CSRNP3: variants seen among roughly 807,000 people sequenced by gnomAD.
The protein encoded by CSRNP3 is cysteine and serine rich nuclear protein 3, also known as cysteine/serine-rich nuclear protein 3.
CSRNP3 carries 12 observed loss-of-function variants against 48.0 expected under a neutral mutation model. The ratio of observed to expected loss-of-function variants is 0.25; its 90% confidence interval spans 0.16 to 0.41. CSRNP3 has a LOEUF of 0.41. Among genes scored for constraint, CSRNP3 ranks in the 10% least tolerant of loss-of-function variants. CSRNP3 has a pLI of 1.00. For synonymous variants in CSRNP3, 263 were observed against 269.7 expected (o/e 0.98, Z 0.24); for missense variants, 580 against 724.4 (o/e 0.80, Z 2.29).
chr2:165,581,550 T>G (rs569961217), intron 3 of CSRNP3, among the ~76,000 whole-genome samples: 6 of 128,706 alleles, frequency 4.7e-5, no homozygotes, highest in Admixed American at 3.2e-4. Context: ...CCCCCACCTT[T>G]TTTTGAGACA....
chr2:165,527,963 A>G (rs1335247813), intron 3 of CSRNP3, among the ~76,000 whole-genome samples: 1 of 151,980 alleles, frequency 6.6e-6, no homozygotes, highest in Admixed American at 6.6e-5. Flanking sequence ...AAGAAAGAGA[A>G]AAAAGAGAGA....
At chr2:165,500,108 C>G (rs996798343) in intron 2 of CSRNP3, among the ~76,000 whole-genome samples, 3 of 149,256 alleles carry the variant, frequency 2.0e-5, no homozygotes, top group Non-Finnish European at 4.4e-5. Context: ...TTTTCAAAAG[C>G]AACATGCAAG....
At chr2:165,476,223 C>T (rs1285770387) in intron 1 of CSRNP3, among the ~76,000 whole-genome samples, 1 of 152,142 alleles carries the variant, frequency 6.6e-6, no homozygotes, top group Non-Finnish European at 1.5e-5. Flanking sequence ...CATTTGTGGT[C>T]TGTTCTGGTG....
intron 5 of CSRNP3, among the ~76,000 whole-genome samples, chr2:165,666,238 AAGAG>A (rs1340299521): frequency 1.6e-5 from 2 of 128,160 alleles, no homozygotes; most frequent in Admixed American, 7.5e-5. Context: ...GAAGGGAGGA[AAGAG>A]AGAGAGGAAG....
intron 4 of CSRNP3, among the ~76,000 whole-genome samples, chr2:165,598,649 T>C (rs13402717): frequency 0.29 from 44,040 of 152,070 alleles, 6,690 homozygotes; most frequent in Admixed American, 0.4. Flanking sequence ...TTGAAGAAAG[T>C]AGACTTATTT....
In CSRNP3 at chr2:165,627,390, T is replaced by G. The variant is rs189077436; in HGVS notation, c.149-30371T>G. 1.7e-3 allele frequency among the ~76,000 whole-genome samples: 264 copies of G among 152,312 alleles called. 1 individual carries two copies. Among genetic ancestry groups the G allele is most frequent in the African/African-American group, 6.0e-3 (249 of 41,572 alleles). ...TTTGCTATCTCCCCTGGAAGCTCTT[T>G]TGCACTGACTGCTCTTTCTATTATA... is the stretch of plus-strand genomic sequence containing the variant. On this transcript the variant is annotated intron_variant, in intron 4 of 6. Coordinates refer to ENST00000651982, the MANE Select transcript of CSRNP3 (RefSeq NM_001172173.2).
At chr2:165,515,157 A>C (rs552350538) in intron 2 of CSRNP3, among the ~76,000 whole-genome samples, 1 of 72,184 alleles carries the variant, frequency 1.4e-5, no homozygotes, top group Admixed American at 1.4e-4. Context: ...GTCTCAACTA[A>C]AGATACAAAA....
intron 4 of CSRNP3, among the ~76,000 whole-genome samples, chr2:165,602,677 T>A (rs979802517): frequency 6.6e-6 from 1 of 152,172 alleles, no homozygotes; most frequent in Admixed American, 6.5e-5. Context: ...TAATTATAAA[T>A]CAGAAATAGT....
At position 165,687,049 on chromosome 2, in the gene CSRNP3, T is replaced by C. The variant is rs1573970939; in HGVS notation, c.*7296T>C. The C allele has an allele frequency of 6.6e-6, 1 of 152,104 alleles. No homozygotes were observed. The highest frequency in any genetic ancestry group is 1.5e-5 in the Non-Finnish European group (1 of 68,018). 9.4% of individuals were successfully genotyped at this position (152,104 alleles called of 1,614,324 possible). A position where few individuals can be genotyped will look rare whatever the true frequency, so the allele number is the denominator to read the frequency against. ...TCCTTGGCAACACAATTCAGCTCTC[T>C]TAGGTTTTCTCACAATAAGAAAATA... On this transcript the variant is annotated 3_prime_UTR_variant, in exon 7 of 7. Transcript: ENST00000651982.
rs1379176191 is a variant in CSRNP3, at chr2:165,521,828, A to G, written c.-24+3867A>G. 1.3e-5 allele frequency among the ~76,000 whole-genome samples: 2 copies of G among 152,132 alleles called. 1 individual carries two copies. Among genetic ancestry groups the G allele is most frequent in the Middle Eastern group, 6.3e-3 (2 of 316 alleles). ...TGGCACTTCATCTTTAGTTATGACA[A>G]ACAAAAATGTCTTCAGGCATTGACC... On this transcript the variant is annotated intron_variant, in intron 3 of 6. Coordinates refer to ENST00000651982, the MANE Select transcript of CSRNP3 (RefSeq NM_001172173.2).
rs199848984 is a variant in CSRNP3, at chr2:165,667,003, G to A, written c.408+8983G>A. 2.3e-3 allele frequency among the ~76,000 whole-genome samples: 49 copies of A among 21,388 alleles called. 2 individuals carry two copies. Among genetic ancestry groups the A allele is most frequent in the African/African-American group, 8.2e-3 (39 of 4,760 alleles). 14.0% of individuals were successfully genotyped at this position (21,388 alleles called of 152,430 possible). A position where few individuals can be genotyped will look rare whatever the true frequency, so the allele number is the denominator to read the frequency against. The stretch of plus-strand genomic sequence containing the variant: ...AGAGAGGAAGAAAGAAAGAGAGAGA[G>A]AGGAAGGAAGGAAGGAAAGAGAGAG... On this transcript the variant is annotated intron_variant, in intron 5 of 6. Coordinates refer to ENST00000651982, the MANE Select transcript of CSRNP3 (RefSeq NM_001172173.2).
At chr2:165,590,469 A>G (rs1453063162) in intron 3 of CSRNP3, among the ~76,000 whole-genome samples, 1 of 152,148 alleles carries the variant, frequency 6.6e-6, no homozygotes, top group African/African-American at 2.4e-5. Context: ...ATTGTATTGA[A>G]TGAAGTAAGT....
At chr2:165,669,567 C>T (rs982425996) in intron 5 of CSRNP3, among the ~76,000 whole-genome samples, 1 of 152,160 alleles carries the variant, frequency 6.6e-6, no homozygotes, top group African/African-American at 2.4e-5. Flanking sequence ...TAATGTGTCC[C>T]ATCCCTCAGG....
At chr2:165,609,543 T>TA (rs397693755) in intron 4 of CSRNP3, among the ~76,000 whole-genome samples, 999 of 35,454 alleles carry the variant, frequency 0.028, 11 homozygotes, top group African/African-American at 0.061. Flanking sequence ...TAAATACTGA[T>TA]AAAAAAAAAA....
intron 5 of CSRNP3, among the ~76,000 whole-genome samples, chr2:165,660,761 G>C (rs1395042562): frequency 6.6e-6 from 1 of 152,200 alleles, no homozygotes; most frequent in African/African-American, 2.4e-5. Flanking sequence ...GGATGTTGGA[G>C]AGGCAATCAT....
chr2:165,490,928 C>G (rs1486328637), intron 1 of CSRNP3, among the ~76,000 whole-genome samples: 1 of 135,838 alleles, frequency 7.4e-6, no homozygotes, highest in African/African-American at 2.7e-5. Flanking sequence ...CCAATGGCAA[C>G]AAAAGCCAAA....
intron 3 of CSRNP3, among the ~76,000 whole-genome samples, chr2:165,540,717 TTCTGAATTACCAGTTTAG>T (rs1306894797): frequency 6.6e-6 from 1 of 152,052 alleles, no homozygotes; most frequent in Non-Finnish European, 1.5e-5. Flanking sequence ...TCTGGTTACA[TTCTGAATTACCAGTTTAG>T]TCTAAATTTC....
intron 3 of CSRNP3, among the ~76,000 whole-genome samples, chr2:165,533,972 A>G (rs565469462): frequency 2.6e-5 from 4 of 152,068 alleles, no homozygotes; most frequent in Admixed American, 2.0e-4. Flanking sequence ...AAAAATTAAT[A>G]CAACATATAA....
chr2:165,676,463 G>T lies in CSRNP3; in HGVS notation c.560G>T (p.Arg187Leu). ...LPTKKRRALL[R>L]ASGVKKIDVE... ...ACAAAAAAACGAAGAGCTCTGCTGC[G>T]TGCCTCTGGAGTGAAAAAGATTGAC... Residue 187 changes from arginine (R) to leucine (L), a missense_variant, in exon 6 of 7, where the codon CGT becomes CTT. Physicochemically the swap from Arg to Leu is moderately radical, Grantham distance 102. Around this residue, in one of 4 missense-constraint regions of CSRNP3, gnomAD observed 66 missense variants for 137.6 expected, o/e 0.48. Transcript: ENST00000651982. The T allele has an allele frequency of 6.2e-7, 1 of 1,614,138 alleles. No homozygotes were observed. The highest frequency in any genetic ancestry group is 1.1e-5 in the South Asian group (1 of 91,078).
Sources: gnomAD v4.1 joint callset for allele counts (sites outside exome capture counted in the v4.1 genomes callset) on GRCh38, gnomAD v4.1.1 for gene constraint, gnomAD v4.1.1 regional missense constraint, MANE v1.5 for transcripts, NCBI Gene and HGNC (gene_info 2026-07-23, HGNC 2026-07-21) for gene names.